CDKN2B-AS1: variants seen among roughly 807,000 people sequenced by gnomAD.
The protein encoded by CDKN2B-AS1 is CDKN2B and CDKN2A antisense cis and trans regulatory RNA 1, also known as CDKN2B antisense RNA 1 (non-protein coding).
Position 21,999,244 on chromosome 9 carries a change from CTATTT to C in CDKN2B-AS1, n.29+4086_29+4090del, listed in dbSNP as rs1453364354. On this transcript the variant is annotated intron_variant and non_coding_transcript_variant, in intron 1 of 4. Coordinates refer to ENST00000650946, the Ensembl canonical transcript of CDKN2B-AS1. This position sits in a 1 kb window ranked among gnomAD's most constrained non-coding sequence, Gnocchi z 4.7. The stretch of plus-strand genomic sequence containing the variant: ...GGTACCCTTTGACTCAGCTATTCCA[CTATTT>C]TAAGTATGTAAAGACACACACAAAT... Among the ~76,000 whole-genome samples, 2 of 151,544 alleles carry C rather than the reference CTATTT, an allele frequency of 1.3e-5. No individual in the cohort carries two copies. The highest frequency in any genetic ancestry group is 4.8e-5 in the African/African-American group (2 of 41,262).
chr9:22,111,632 GT>G (rs563770845), intron 4 of CDKN2B-AS1, among the ~76,000 whole-genome samples: 1 of 152,048 alleles, frequency 6.6e-6, no homozygotes, highest in Non-Finnish European at 1.5e-5. Context: ...AGAAAGACAG[GT>G]TTTTACAGTG....
intron 4 of CDKN2B-AS1, chr9:22,113,704 T>C (rs972839391): frequency 3.9e-4 from 59 of 152,278 alleles, no homozygotes; most frequent in Admixed American, 2.0e-3. Context: ...CAATAGCATG[T>C]CAAACAATGT....
chr9:22,072,624 T>A (rs1366849660), intron 4 of CDKN2B-AS1, among the ~76,000 whole-genome samples: 1 of 152,252 alleles, frequency 6.6e-6, no homozygotes, highest in East Asian at 1.9e-4. Context: ...ACAGCTTGAA[T>A]AAATGTTATT....
chr9:22,099,420 G>A (rs1825403436), intron 4 of CDKN2B-AS1, among the ~76,000 whole-genome samples: 1 of 152,136 alleles, frequency 6.6e-6, no homozygotes, highest in Admixed American at 6.5e-5. Context: ...GAATTGACGG[G>A]GAGCTGGGTT....
chr9:22,069,616 G>T (rs989139590), intron 4 of CDKN2B-AS1, among the ~76,000 whole-genome samples: 2 of 152,030 alleles, frequency 1.3e-5, no homozygotes, highest in South Asian at 2.1e-4. Flanking sequence ...TCCAATCAAG[G>T]TATATTTAGT....
chr9:22,033,371 C>A (rs1032555926), intron 1 of CDKN2B-AS1, among the ~76,000 whole-genome samples: 2 of 152,016 alleles, frequency 1.3e-5, no homozygotes, highest in African/African-American at 4.8e-5. Flanking sequence ...TACATACGGA[C>A]GAATTTGAAT....
intron 1 of CDKN2B-AS1, among the ~76,000 whole-genome samples, chr9:22,026,999 A>T (rs1822266903): frequency 6.6e-6 from 1 of 151,734 alleles, no homozygotes; most frequent in Non-Finnish European, 1.5e-5. Flanking sequence ...TCCTGCCTTG[A>T]TTTGCTCTGG....
intron 4 of CDKN2B-AS1, among the ~76,000 whole-genome samples, chr9:22,085,369 C>G (rs187270981): frequency 6.6e-6 from 1 of 152,132 alleles, no homozygotes; most frequent in African/African-American, 2.4e-5. Context: ...CCTGTTTATC[C>G]CAAGGACCTA....
Position 22,123,927 on chromosome 9 carries a change from G to A in CDKN2B-AS1, n.439-3176G>A, listed in dbSNP as rs115863215. ...TCTATAGATAGATGTGTAAGCAGAC[G>A]CTGAATAACCATTTACTGAAAATAT... On this transcript the variant is annotated intron_variant and non_coding_transcript_variant, in intron 4 of 4. Transcript: ENST00000650946. 4.6e-3 allele frequency among the ~76,000 whole-genome samples: 697 copies of A among 152,270 alleles called. 7 individuals are homozygous for A. Among genetic ancestry groups the A allele is most frequent in the African/African-American group, 0.014 (591 of 41,556 alleles).
chr9:22,103,668 A>G (rs1001566822), intron 4 of CDKN2B-AS1, among the ~76,000 whole-genome samples: 2 of 152,240 alleles, frequency 1.3e-5, no homozygotes, highest in Non-Finnish European at 2.9e-5. Flanking sequence ...CATAGAGCCT[A>G]TAATAATAAC....
chr9:22,005,712 C>A lies in CDKN2B-AS1; in HGVS notation n.29+10551C>A. Reference sequence around the variant, plus strand: ...CCCTCAGAAAACCCTGAAAAGCAAACGACCCCTGGAATGTCACACACTCCT... The same window carrying A: ...CCCTCAGAAAACCCTGAAAAGCAAAAGACCCCTGGAATGTCACACACTCCT... On this transcript the variant is annotated intron_variant and non_coding_transcript_variant, in intron 1 of 4. Transcript: ENST00000650946. The surrounding 1 kb of genome is among the most constrained non-coding windows in gnomAD (Gnocchi z 4.9). 1 of 562,134 alleles carries A rather than the reference C, an allele frequency of 1.8e-6. No individual in the cohort carries two copies. Among genetic ancestry groups the A allele is most frequent in the Non-Finnish European group, 3.2e-6 (1 of 313,404 alleles). 34.8% of individuals were successfully genotyped at this position (562,134 alleles called of 1,614,324 possible). A position where few individuals can be genotyped will look rare whatever the true frequency, so the allele number is the denominator to read the frequency against.
rs577795621 is a variant in CDKN2B-AS1 at position 22,076,113 on chromosome 9, C to G, written n.438+19726C>G. On this transcript the variant is annotated intron_variant and non_coding_transcript_variant, in intron 4 of 4. Transcript: ENST00000650946. ...TTGTCATCCAGGCTGGAGTGCAATGCCACGATTTCAGCTCACTCCAACCTC... is the reference window on the plus strand; with the variant it reads ...TTGTCATCCAGGCTGGAGTGCAATGGCACGATTTCAGCTCACTCCAACCTC... Among the ~76,000 whole-genome samples the G allele has an allele frequency of 2.2e-4, 33 of 151,840 alleles. No individual in the cohort carries two copies. In the East Asian group the frequency reaches 5.4e-3, roughly 25 times the overall value.
intron 4 of CDKN2B-AS1, among the ~76,000 whole-genome samples, chr9:22,104,781 G>C (rs1210906853): frequency 6.6e-6 from 1 of 152,158 alleles, no homozygotes; most frequent in African/African-American, 2.4e-5. Flanking sequence ...GTTCTCAAAT[G>C]ACTGACAGTT....
At chr9:22,077,277 C>A (rs1238194009) in intron 4 of CDKN2B-AS1, among the ~76,000 whole-genome samples, 1 of 151,340 alleles carries the variant, frequency 6.6e-6, no homozygotes, top group Non-Finnish European at 1.5e-5. Context: ...AGTATTTTAA[C>A]ATACAATGAA....
intron 4 of CDKN2B-AS1, among the ~76,000 whole-genome samples, chr9:22,126,181 G>C (rs1310410213): frequency 6.6e-6 from 1 of 152,154 alleles, no homozygotes; most frequent in African/African-American, 2.4e-5. Context: ...GGTGGCAAAG[G>C]CGGAAGAAAA....
intron 1 of CDKN2B-AS1, chr9:22,003,103 A>C (rs1820994128): frequency 4.7e-6 from 1 of 213,984 alleles, no homozygotes; most frequent in South Asian, 1.9e-4. Flanking sequence ...TATCCTTCAA[A>C]GTGAAATCCT....
intron 4 of CDKN2B-AS1, among the ~76,000 whole-genome samples, chr9:22,083,604 C>T (rs1325358328): frequency 1.3e-5 from 2 of 152,152 alleles, no homozygotes; most frequent in Non-Finnish European, 2.9e-5. Flanking sequence ...ATAAAGCACC[C>T]TAGGTGATGC....
At chr9:22,074,443 G>T (rs578248009) in intron 4 of CDKN2B-AS1, among the ~76,000 whole-genome samples, 1 of 152,172 alleles carries the variant, frequency 6.6e-6, no homozygotes, top group Admixed American at 6.5e-5. Flanking sequence ...GACATAGGGG[G>T]ATGTAGGGAG....
chr9:22,055,588 A>G (rs1326941841), intron 3 of CDKN2B-AS1, among the ~76,000 whole-genome samples: 1 of 152,216 alleles, frequency 6.6e-6, no homozygotes, highest in Admixed American at 6.5e-5. Flanking sequence ...TTTAAAAAAT[A>G]TAACTTTAAA....
Sources: allele counts gnomAD v4.1 joint callset (sites outside exome capture counted in the v4.1 genomes callset), GRCh38; gene constraint gnomAD v4.1.1; non-coding constraint Gnocchi (gnomAD v3.1); transcripts MANE v1.5; gene names NCBI Gene and HGNC (gene_info 2026-07-23, HGNC 2026-07-21).